The following ANKRD44 variants were observed in gnomAD, a reference collection of about 807,000 sequenced individuals.
The protein encoded by ANKRD44 is serine/threonine-protein phosphatase 6 regulatory ankyrin repeat subunit B.
In ANKRD44, 35 loss-of-function variants were observed where a neutral mutation model predicts 116.0. That is an observed-to-expected ratio of 0.30 (90% CI 0.23 to 0.40). The LOEUF (loss-of-function observed/expected upper bound fraction) is 0.40. Ranked by LOEUF, ANKRD44 falls within the 10% of genes least tolerant of loss-of-function variation. ANKRD44 has a pLI of 1.00. For missense variants in ANKRD44, 1,014 were observed against 1,242.6 expected (o/e 0.82, Z 2.77); for synonymous variants, 435 against 461.8 (o/e 0.94, Z 0.74).
chr2:196,971,253 GA>G (rs2075713956), intron 21 of ANKRD44, among the ~76,000 whole-genome samples: 2 of 152,122 alleles, frequency 1.3e-5, no homozygotes, highest in African/African-American at 4.8e-5. Flanking sequence ...AACAATATGT[GA>G]ATTTTTCATT....
At chr2:196,998,123 T>C (rs2376208) in intron 25 of ANKRD44, among the ~76,000 whole-genome samples, 125,807 of 152,134 alleles carry the variant, frequency 0.83, 53,436 homozygotes, top group East Asian at 1. Flanking sequence ...ATGTCCTCAG[T>C]ATTTGTGTTG....
At chr2:196,995,120 C>A in intron 26 of ANKRD44, 1 of 249,720 alleles carries the variant, frequency 4.0e-6, no homozygotes, top group Non-Finnish European at 7.6e-6. Context: ...TAATATTACC[C>A]CAGAAATATC....
intron 1 of ANKRD44, among the ~76,000 whole-genome samples, chr2:197,295,379 C>T (rs188754999): frequency 6.6e-5 from 10 of 152,184 alleles, no homozygotes; most frequent in African/African-American, 1.9e-4. Flanking sequence ...GCTGTTGTAG[C>T]GCCCATAGAC....
At chr2:197,003,818 T>C (rs1465866192) in intron 21 of ANKRD44, among the ~76,000 whole-genome samples, 3 of 151,500 alleles carry the variant, frequency 2.0e-5, no homozygotes, top group African/African-American at 4.9e-5. Flanking sequence ...CAGATGGGGG[T>C]CACCCATTAG....
chr2:197,088,755 T>C lies in ANKRD44; in HGVS notation c.1203A>G (p.Pro401=). 2 of 1,612,966 alleles carry C rather than the reference T, an allele frequency of 1.2e-6. No individual in the cohort carries two copies. Among genetic ancestry groups the C allele is most frequent in the Non-Finnish European group, 1.7e-6 (2 of 1,179,336 alleles). The change falls in exon 12 of 28, where the codon CCA becomes CCG. Residue 401 remains proline (P), a synonymous_variant. Transcript: ENST00000282272. ...LLSSGFEIDT[P]DKFGRTCLHA... ...GAAGGCACGTTCTTCCAAATTTATC[T>C]GGGGTGTCTATTTCAAAGCCTGCAG...
intron 21 of ANKRD44, among the ~76,000 whole-genome samples, chr2:196,971,262 A>G (rs1157812176): frequency 1.3e-5 from 2 of 152,172 alleles, no homozygotes; most frequent in Non-Finnish European, 2.9e-5. Context: ...TGAATTTTTC[A>G]TTGATATCAT....
chr2:197,300,737 G>A lies in ANKRD44; in HGVS notation c.27+9841C>T, dbSNP rs187257152. On this transcript the variant is annotated intron_variant, in intron 1 of 27. Coordinates refer to ENST00000282272, the MANE Select transcript of ANKRD44 (RefSeq NM_001195144.2). Reference sequence around the variant, plus strand: ...CATGCGACCCTGAAAAAAATTACTCGACCTCTCAGTTTTCATTTTCCTTTT... The same window carrying A: ...CATGCGACCCTGAAAAAAATTACTCAACCTCTCAGTTTTCATTTTCCTTTT... Among the ~76,000 whole-genome samples the A allele has an allele frequency of 1.6e-4, 24 of 148,270 alleles. No individual in the cohort carries two copies. The East Asian group carries it at 4.5e-3, about 28-fold the overall frequency.
chr2:197,196,275 G>C (rs962599509), intron 1 of ANKRD44, among the ~76,000 whole-genome samples: 4 of 152,120 alleles, frequency 2.6e-5, no homozygotes, highest in African/African-American at 7.2e-5. Context: ...AAAATGGCCA[G>C]AAGATGATTT....
intron 27 of ANKRD44, chr2:196,990,602 A>G: frequency 8.1e-7 from 1 of 1,231,362 alleles, no homozygotes; most frequent in African/African-American, 1.5e-5. Context: ...ATACTTGAAT[A>G]CAACATAAAC....
intron 9 of ANKRD44, among the ~76,000 whole-genome samples, chr2:197,107,395 A>G (rs1238042732): frequency 6.6e-6 from 1 of 152,182 alleles, no homozygotes; most frequent in Non-Finnish European, 1.5e-5. Flanking sequence ...GCCTTCAGAC[A>G]CCAGATGCTG....
chr2:196,995,543 T>G (rs892492630), intron 25 of ANKRD44, 82 bp from the exon 26 acceptor site: 2 of 1,081,964 alleles, frequency 1.8e-6, no homozygotes, highest in African/African-American at 3.1e-5. Flanking sequence ...ATGATTTAAA[T>G]TGAAAATGAA....
chr2:197,282,754 T>G (rs377638864), intron 1 of ANKRD44, among the ~76,000 whole-genome samples: 2 of 152,158 alleles, frequency 1.3e-5, no homozygotes, highest in East Asian at 1.9e-4. Flanking sequence ...AGGCCAGGAG[T>G]TCGGGACCAG....
At chr2:197,230,412 G>A (rs2081830388) in intron 1 of ANKRD44, among the ~76,000 whole-genome samples, 1 of 151,966 alleles carries the variant, frequency 6.6e-6, no homozygotes, top group South Asian at 2.1e-4. Flanking sequence ...CCAGATGAAA[G>A]GAGATTCAAA....
intron 8 of ANKRD44, among the ~76,000 whole-genome samples, chr2:197,117,622 G>A (rs1310880192): frequency 2.0e-5 from 3 of 152,018 alleles, no homozygotes; most frequent in South Asian, 2.1e-4. Context: ...CACCCACCTC[G>A]GCCTCCCAAA....
At chr2:197,015,700 G>A (rs1266012421) in intron 17 of ANKRD44, 2 of 554,622 alleles carry the variant, frequency 3.6e-6, no homozygotes, top group South Asian at 4.0e-5. Flanking sequence ...ATTTGGAGGT[G>A]ATGGTGGCAC....
At chr2:197,046,765 T>C (rs1329612191) in intron 16 of ANKRD44, among the ~76,000 whole-genome samples, 1 of 152,238 alleles carries the variant, frequency 6.6e-6, no homozygotes, top group Non-Finnish European at 1.5e-5. Context: ...CTTGTTTTCT[T>C]AAGACTTTGT....
intron 1 of ANKRD44, among the ~76,000 whole-genome samples, chr2:197,252,567 C>T (rs985108513): frequency 2.6e-5 from 4 of 152,056 alleles, no homozygotes; most frequent in Admixed American, 6.5e-5. Context: ...CCACCACGCC[C>T]GGCTAATTTT....
At chr2:197,116,663 T>A (rs2078718045) in intron 8 of ANKRD44, among the ~76,000 whole-genome samples, 1 of 152,200 alleles carries the variant, frequency 6.6e-6, no homozygotes, top group South Asian at 2.1e-4. Flanking sequence ...TAAAGGGCTG[T>A]TTCACTTTCT....
intron 6 of ANKRD44, among the ~76,000 whole-genome samples, chr2:197,124,718 C>A (rs1208497017): frequency 6.6e-6 from 1 of 152,210 alleles, no homozygotes; most frequent in Non-Finnish European, 1.5e-5. Context: ...CAATTAGAAA[C>A]ACAAAGGGAA....
Sources: allele counts gnomAD v4.1 joint callset (sites outside exome capture counted in the v4.1 genomes callset), GRCh38; gene constraint gnomAD v4.1.1; transcripts MANE v1.5; gene names NCBI Gene and HGNC (gene_info 2026-07-23, HGNC 2026-07-21).